TMEM108: variants seen among roughly 807,000 people sequenced by gnomAD.
TMEM108 encodes the protein cancer/testis antigen 124.
A neutral mutation model predicts 35.1 loss-of-function variants in TMEM108; 12 were observed. The observed-to-expected ratio is 0.34, with a 90% CI of 0.22 to 0.55. TMEM108 has a LOEUF of 0.55. TMEM108 is among the 20% of genes least tolerant of loss of function. The pLI is 0.89. For synonymous variants in TMEM108, 287 were observed against 308.6 expected (o/e 0.93, Z 0.73); for missense variants, 680 against 753.3 (o/e 0.90, Z 1.14).
intron 2 of TMEM108, among the ~76,000 whole-genome samples, chr3:133,138,986 A>C (rs75899341): frequency 0.11 from 15,851 of 147,616 alleles, 1,016 homozygotes; most frequent in South Asian, 0.17. Flanking sequence ...CTCATTGTTC[A>C]ACTCCTACTT....
intron 2 of TMEM108, among the ~76,000 whole-genome samples, chr3:133,168,789 T>C (rs1238315011): frequency 6.6e-6 from 1 of 152,196 alleles, no homozygotes; most frequent in Non-Finnish European, 1.5e-5. Context: ...GCTCACTCTT[T>C]GGGTTTACTT....
chr3:133,134,817 A>G (rs1036647007), intron 2 of TMEM108, among the ~76,000 whole-genome samples: 1 of 151,380 alleles, frequency 6.6e-6, no homozygotes, highest in Non-Finnish European at 1.5e-5. Flanking sequence ...CCATTATACT[A>G]CTCTGTCTGC....
intron 2 of TMEM108, among the ~76,000 whole-genome samples, chr3:133,137,990 G>A (rs1409888856): frequency 1.3e-5 from 2 of 152,146 alleles, no homozygotes; most frequent in African/African-American, 4.8e-5. Context: ...GAACATGAAT[G>A]GATAGCCTTT....
At chr3:133,227,483 G>C (rs555604888) in intron 2 of TMEM108, among the ~76,000 whole-genome samples, 4 of 148,152 alleles carry the variant, frequency 2.7e-5, no homozygotes, top group African/African-American at 1.0e-4. Flanking sequence ...GTGAGCCACC[G>C]CGCCCGGCCT....
intron 2 of TMEM108, among the ~76,000 whole-genome samples, chr3:133,198,977 G>C (rs1945620550): frequency 6.6e-6 from 1 of 152,050 alleles, no homozygotes; most frequent in Non-Finnish European, 1.5e-5. Flanking sequence ...TTTCTTGGAG[G>C]CTTCGTTTCT....
At chr3:133,084,056 T>C (rs1031961479) in intron 2 of TMEM108, among the ~76,000 whole-genome samples, 1 of 152,170 alleles carries the variant, frequency 6.6e-6, no homozygotes, top group East Asian at 1.9e-4. Flanking sequence ...TTTGGTCATC[T>C]GTACAATGCA....
chr3:133,120,089 AT>A (rs1237768802), intron 2 of TMEM108, among the ~76,000 whole-genome samples: 2 of 152,170 alleles, frequency 1.3e-5, no homozygotes, highest in African/African-American at 4.8e-5. Flanking sequence ...AAAACTTTAG[AT>A]TTCTGTAATT....
At chr3:133,249,105 T>C (rs1332025728) in intron 3 of TMEM108, among the ~76,000 whole-genome samples, 1 of 152,168 alleles carries the variant, frequency 6.6e-6, no homozygotes, top group African/African-American at 2.4e-5. Flanking sequence ...GAAGCATGTA[T>C]AATCATGACA....
intron 3 of TMEM108, among the ~76,000 whole-genome samples, chr3:133,230,991 T>C (rs1946144661): frequency 6.6e-6 from 1 of 152,194 alleles, no homozygotes; most frequent in Non-Finnish European, 1.5e-5. Context: ...AGTTTCCTGC[T>C]GGTTAGGAGG....
intron 3 of TMEM108, among the ~76,000 whole-genome samples, chr3:133,294,463 T>C (rs1404934654): frequency 6.6e-6 from 1 of 152,194 alleles, no homozygotes; most frequent in Non-Finnish European, 1.5e-5. Flanking sequence ...CTCAGGATGT[T>C]TTCTCTACTT....
intron 2 of TMEM108, among the ~76,000 whole-genome samples, chr3:133,155,644 T>C (rs1245739126): frequency 6.6e-6 from 1 of 152,216 alleles, no homozygotes; most frequent in Admixed American, 6.5e-5. Context: ...TTTGGCCACA[T>C]GTATATCTTC....
chr3:133,255,259 G>A (rs1040965686), intron 3 of TMEM108, among the ~76,000 whole-genome samples: 2 of 152,104 alleles, frequency 1.3e-5, no homozygotes, highest in Non-Finnish European at 2.9e-5. Flanking sequence ...GAGACAGTCT[G>A]TTACACTATA....
intron 3 of TMEM108, among the ~76,000 whole-genome samples, chr3:133,295,469 C>T (rs1302423449): frequency 1.3e-5 from 2 of 152,192 alleles, no homozygotes; most frequent in Non-Finnish European, 2.9e-5. Flanking sequence ...GGCAAGTAGT[C>T]AGCATGAAAT....
intron 3 of TMEM108, among the ~76,000 whole-genome samples, chr3:133,230,992 G>A (rs1946144698): frequency 6.6e-6 from 1 of 152,124 alleles, no homozygotes; most frequent in Non-Finnish European, 1.5e-5. Flanking sequence ...GTTTCCTGCT[G>A]GTTAGGAGGT....
In TMEM108 at chr3:133,257,427, A is replaced by G. The variant is rs114422280; in HGVS notation, c.40+28076A>G. ...AATGCATTATTAATAATCCTTAGAA[A>G]AGCAATACATTGTTGCATGGCTTAA... On this transcript the variant is annotated intron_variant, in intron 3 of 5. Coordinates refer to ENST00000321871, the MANE Select transcript of TMEM108 (RefSeq NM_023943.4). 7.8e-3 allele frequency among the ~76,000 whole-genome samples: 1,187 copies of G among 152,298 alleles called. 22 individuals are homozygous for G. The highest frequency in any genetic ancestry group is 0.026 in the African/African-American group (1,100 of 41,564).
intron 2 of TMEM108, among the ~76,000 whole-genome samples, chr3:133,147,683 A>G (rs1035379187): frequency 6.6e-6 from 1 of 152,180 alleles, no homozygotes; most frequent in African/African-American, 2.4e-5. Context: ...CCTACTACCT[A>G]TTGCTGAGAA....
At chr3:133,082,665 G>C (rs1000153731) in intron 2 of TMEM108, among the ~76,000 whole-genome samples, 2 of 151,832 alleles carry the variant, frequency 1.3e-5, no homozygotes, top group African/African-American at 4.8e-5. Flanking sequence ...TATTATTGTT[G>C]TTTTGAGACA....
chr3:133,369,199 G>C (rs1342464505), intron 3 of TMEM108, among the ~76,000 whole-genome samples: 2 of 152,204 alleles, frequency 1.3e-5, no homozygotes, highest in East Asian at 1.9e-4. Flanking sequence ...AACAGGAACA[G>C]AGTGTCTGGG....
chr3:133,361,710 T>A (rs1433469595), intron 3 of TMEM108, among the ~76,000 whole-genome samples: 1 of 152,084 alleles, frequency 6.6e-6, no homozygotes. Context: ...TCTCGTGTGG[T>A]CTCTCAAGCA....
Sources: allele counts gnomAD v4.1 joint callset (sites outside exome capture counted in the v4.1 genomes callset), GRCh38; gene constraint gnomAD v4.1.1; transcripts MANE v1.5; gene names NCBI Gene and HGNC (gene_info 2026-07-23, HGNC 2026-07-21).